SLF2: variants seen among roughly 807,000 people sequenced by gnomAD.
The protein encoded by SLF2 is SMC5-SMC6 complex localization factor protein 2.
Under a neutral mutation model 124.3 loss-of-function variants are expected in SLF2, and 68 were observed. The ratio of observed to expected loss-of-function variants is 0.55; its 90% CI spans 0.45 to 0.67. The LOEUF (loss-of-function observed/expected upper bound fraction) is 0.67, where lower values mean the gene tolerates loss of function less well. SLF2 is among the 30% of genes least tolerant of loss of function. The probability of loss-of-function intolerance (pLI) is 0.00; values close to 1 mark genes in which losing one functional copy is unlikely to be tolerated. For missense variants in SLF2, 1,246 were observed against 1,373.7 expected (o/e 0.91, Z 1.47); for synonymous variants, 480 against 478.8 (o/e 1.00, Z -0.03).
chr10:100,959,100 T>C (rs554963229), intron 18 of SLF2, among the ~76,000 whole-genome samples: 5 of 152,362 alleles, frequency 3.3e-5, no homozygotes, highest in African/African-American at 1.2e-4. Context: ...TCAGCTTCTC[T>C]ATCTGGTTGT....
Position 100,917,168 on chromosome 10 carries a change from C to G in SLF2, c.783C>G (p.Ile261Met). Reference sequence around the variant, plus strand: ...GAAAGGAGCAAATGGAGCAGAGAATCAACTCCGAGAATTCTTTCTCAGAAG... The same window carrying G: ...GAAAGGAGCAAATGGAGCAGAGAATGAACTCCGAGAATTCTTTCTCAGAAG... ...RLRKEQMEQRINSENSFSEAS... is the reference protein window; with the variant it reads ...RLRKEQMEQRMNSENSFSEAS... The change falls in exon 3 of 20, where the codon ATC (isoleucine) becomes ATG (methionine). Residue 261 changes from isoleucine (I) to methionine (M), a missense_variant. By Grantham distance (10) the Ile-to-Met change is conservative (BLOSUM62 1). Transcript: ENST00000238961. The G allele has an allele frequency of 6.2e-7, 1 of 1,614,002 alleles. No individual in the cohort carries two copies. The highest frequency in any genetic ancestry group is 8.5e-7 in the Non-Finnish European group (1 of 1,180,022).
chr10:100,949,334 A>G (rs894307488), intron 15 of SLF2, among the ~76,000 whole-genome samples: 7 of 152,188 alleles, frequency 4.6e-5, no homozygotes, highest in African/African-American at 1.7e-4. Flanking sequence ...CCCATGTAAA[A>G]TAGAATAATT....
chr10:100,920,462 C>T (rs920692972), intron 4 of SLF2, among the ~76,000 whole-genome samples: 12 of 152,048 alleles, frequency 7.9e-5, no homozygotes, highest in African/African-American at 1.7e-4. Context: ...TGATGGTTGC[C>T]GTCACTTATA....
intron 4 of SLF2, among the ~76,000 whole-genome samples, chr10:100,920,378 A>G (rs971053053): frequency 6.6e-6 from 1 of 152,186 alleles, no homozygotes; most frequent in African/African-American, 2.4e-5. Flanking sequence ...TTTCATTTAT[A>G]TAATCCCACC....
intron 6 of SLF2, 62 bp downstream of exon 6, chr10:100,926,081 T>G: frequency 6.2e-7 from 1 of 1,613,792 alleles, no homozygotes; most frequent in Non-Finnish European, 8.5e-7. Context: ...GTGGCTTACT[T>G]TTAATTTACC....
At chr10:100,923,660 C>T (rs1849559112) in intron 4 of SLF2, among the ~76,000 whole-genome samples, 1 of 152,046 alleles carries the variant, frequency 6.6e-6, no homozygotes, top group Admixed American at 6.6e-5. Flanking sequence ...TCCAGAAGTA[C>T]CTATGGCATC....
At position 100,924,110 on chromosome 10, in the gene SLF2, A is replaced by G. The variant is rs1459395095; in HGVS notation, c.1109A>G (p.Gln370Arg). 2 of 1,613,408 alleles carry G rather than the reference A, an allele frequency of 1.2e-6. No homozygotes were observed. The highest frequency in any genetic ancestry group is 1.7e-6 in the Non-Finnish European group (2 of 1,179,856). ...FLEKRPDGPH[Q>R]KEKFIKHIAL... ...GAGAAGCGTCCTGATGGACCACATCAGAAAGAAAAATTTATAAAACATATT... is the reference window on the plus strand; with the variant it reads ...GAGAAGCGTCCTGATGGACCACATCGGAAAGAAAAATTTATAAAACATATT... The change falls in exon 5 of 20, where the codon CAG (glutamine) becomes CGG (arginine). Residue 370 changes from glutamine (Q) to arginine (R), a missense_variant. Around this residue, in one of 3 missense-constraint regions of SLF2, gnomAD observed 698 missense variants for 708.9 expected, o/e 0.98. Coordinates refer to ENST00000238961, the MANE Select transcript of SLF2 (RefSeq NM_018121.4).
chr10:100,937,457 T>C lies in SLF2; in HGVS notation c.2492T>C (p.Met831Thr), dbSNP rs1270229625. The C allele has an allele frequency of 6.3e-7, 1 of 1,599,968 alleles. No homozygotes were observed. Among genetic ancestry groups the C allele is most frequent in the Admixed American group, 1.7e-5 (1 of 59,994 alleles). ...TCAGTGCAGATTTTAAGTACATTGA[T>C]GGAAATAACAATTAGAAATGGTAAG... ...IVSVQILSTLMEITIRNDTFS... is the reference protein window; with the variant it reads ...IVSVQILSTLTEITIRNDTFS... The change falls in exon 10 of 20, where the codon ATG becomes ACG. Residue 831 changes from methionine (M) to threonine (T), a missense_variant. Around this residue, in one of 3 missense-constraint regions of SLF2, gnomAD observed 535 missense variants for 632.8 expected, o/e 0.85. Transcript: ENST00000238961.
Position 100,929,992 on chromosome 10 carries a change from T to C in SLF2, c.2328T>C (p.Ile776=). 1.3e-6 allele frequency: 2 copies of C among 1,514,730 alleles called. No homozygotes were observed. The highest frequency in any genetic ancestry group is 2.6e-5 in the South Asian group (2 of 75,474). The allele number at this position is 1,514,730 out of a possible 1,614,324, so 93.8% of individuals were successfully genotyped here. ...GACAAAGTGCTGTAGAAAAACTTAT[T>C]CTTAAGTAAGTAGAAAAATAGACAT... ...FIGQSAVEKL[I]LKSGKTDQIF... The change falls in exon 8 of 20, where the codon ATT becomes ATC. Residue 776 remains isoleucine, a synonymous_variant. Coordinates refer to ENST00000238961, the MANE Select transcript of SLF2 (RefSeq NM_018121.4).
chr10:100,937,472 G>C lies in SLF2; in HGVS notation c.2507G>C (p.Arg836Thr). The change falls in exon 10 of 20, where the codon AGA (arginine) becomes ACA (threonine). Residue 836 changes from arginine (R) to threonine (T), a missense_variant. By Grantham distance (71) the Arg-to-Thr change is moderately conservative. Around this residue, in one of 3 missense-constraint regions of SLF2, gnomAD observed 535 missense variants for 632.8 expected, o/e 0.85. Transcript: ENST00000238961. ...ILSTLMEITI[R>T]NDTFSDSPVW... ...AGTACATTGATGGAAATAACAATTAGAAATGGTAAGTATATCAACTTATTA... is the reference window on the plus strand; with the variant it reads ...AGTACATTGATGGAAATAACAATTACAAATGGTAAGTATATCAACTTATTA... 1 of 1,571,222 alleles carries C rather than the reference G, an allele frequency of 6.4e-7. No homozygotes were observed. The highest frequency in any genetic ancestry group is 2.2e-5 in the East Asian group (1 of 44,662).
rs773322398 is a variant in SLF2 at position 100,925,936 on chromosome 10, G to A, written c.1972-13G>A. 5 of 1,565,430 alleles carry A rather than the reference G, an allele frequency of 3.2e-6. No homozygotes were observed. Among genetic ancestry groups the A allele is most frequent in the Non-Finnish European group, 3.5e-6 (4 of 1,157,812 alleles). On this transcript the variant is annotated splice_polypyrimidine_tract_variant and intron_variant, in intron 5 of 19. Transcript: ENST00000238961. ...GACATGTGGTAAAGTATTTCTAAAT[G>A]TTCTTGTTTTAGGGACATGTTCATC... is the stretch of plus-strand genomic sequence containing the variant.
intron 11 of SLF2, among the ~76,000 whole-genome samples, chr10:100,940,543 G>A (rs1849949405): frequency 6.6e-6 from 1 of 151,886 alleles, no homozygotes; most frequent in South Asian, 2.1e-4. Context: ...TTTATTTTTT[G>A]TGGAGACGAA....
chr10:100,933,964 C>T (rs1849795866), intron 9 of SLF2, among the ~76,000 whole-genome samples: 2 of 152,216 alleles, frequency 1.3e-5, no homozygotes, highest in Admixed American at 6.5e-5. Context: ...CAGGCGTGAG[C>T]CACTGCACCC....
chr10:100,963,530 G>A lies in SLF2; in HGVS notation c.*1618G>A, dbSNP rs1332259985. The A allele has an allele frequency of 6.6e-6, 1 of 152,620 alleles. No homozygotes were observed. The highest frequency in any genetic ancestry group is 1.5e-5 in the Non-Finnish European group (1 of 68,028). 9.5% of individuals were successfully genotyped at this position (152,620 alleles called of 1,614,324 possible). ...TTATGGTTAAAGAGATAGATACAAA[G>A]AGTTCTATTTGACAGAAGCTTGAAA... is the stretch of plus-strand genomic sequence containing the variant. On this transcript the variant is annotated 3_prime_UTR_variant, in exon 20 of 20. Transcript: ENST00000238961.
In SLF2 at chr10:100,924,402, G is replaced by A; in HGVS notation, c.1401G>A (p.Lys467=). 1 of 1,614,118 alleles carries A rather than the reference G, an allele frequency of 6.2e-7. No individual in the cohort carries two copies. Among genetic ancestry groups the A allele is most frequent in the Non-Finnish European group, 8.5e-7 (1 of 1,180,016 alleles). The change falls in exon 5 of 20, where the codon AAG becomes AAA. Residue 467 remains lysine, a synonymous_variant. Coordinates refer to ENST00000238961, the MANE Select transcript of SLF2 (RefSeq NM_018121.4). ...ATAAAACCGCTAGCTCCACGACAAA[G>A]GAGAAGGAGACAAAACTACCTTTAC... The part of the protein sequence containing the change: ...QKNKTASSTT[K]EKETKLPLLS...
At chr10:100,944,636 G>A (rs1343792553) in intron 12 of SLF2, among the ~76,000 whole-genome samples, 2 of 152,066 alleles carry the variant, frequency 1.3e-5, no homozygotes, top group African/African-American at 4.8e-5. Flanking sequence ...AGAACTTTAA[G>A]TCAGTTACAT....
In SLF2 at chr10:100,924,122, T is replaced by A; in HGVS notation, c.1121T>A (p.Phe374Tyr). The A allele has an allele frequency of 6.2e-7, 1 of 1,612,992 alleles. No homozygotes were observed. The highest frequency in any genetic ancestry group is 8.5e-7 in the Non-Finnish European group (1 of 1,179,754). The stretch of plus-strand genomic sequence containing the variant: ...GATGGACCACATCAGAAAGAAAAAT[T>A]TATAAAACATATTGCACTGAAGACA... ...RPDGPHQKEK[F>Y]IKHIALKTPG... The change falls in exon 5 of 20, where the codon TTT (phenylalanine) becomes TAT (tyrosine). Residue 374 changes from phenylalanine to tyrosine, a missense_variant. By Grantham distance (22) the Phe-to-Tyr change is conservative. Around this residue, in one of 3 missense-constraint regions of SLF2, gnomAD observed 698 missense variants for 708.9 expected, o/e 0.98. Coordinates refer to ENST00000238961, the MANE Select transcript of SLF2 (RefSeq NM_018121.4).
Position 100,916,778 on chromosome 10 carries a change from A to G in SLF2, c.393A>G (p.Ser131=), listed in dbSNP as rs1554876620. ...EHHEDHGIHE[S]RRPCLSLASK... is the part of the protein sequence containing the mutation. ...ATGAAGATCATGGTATACATGAGTCACGTCGGCCTTGTCTGTCACTAGCCT... is the reference window on the plus strand; with the variant it reads ...ATGAAGATCATGGTATACATGAGTCGCGTCGGCCTTGTCTGTCACTAGCCT... The change falls in exon 3 of 20, where the codon TCA becomes TCG. Residue 131 remains serine (S), a synonymous_variant. Coordinates refer to ENST00000238961, the MANE Select transcript of SLF2 (RefSeq NM_018121.4). The G allele has an allele frequency of 4.3e-6, 7 of 1,613,232 alleles. No homozygotes were observed. In the South Asian group the frequency reaches 7.7e-5, roughly 18 times the overall value.
intron 6 of SLF2, among the ~76,000 whole-genome samples, chr10:100,927,033 A>G (rs1286494827): frequency 6.6e-6 from 1 of 152,200 alleles, no homozygotes; most frequent in African/African-American, 2.4e-5. Context: ...TACAACTAGT[A>G]TCTGATAGCT....
Sources: allele counts gnomAD v4.1 joint callset (sites outside exome capture counted in the v4.1 genomes callset), GRCh38; gene constraint gnomAD v4.1.1; regional missense constraint gnomAD v4.1.1; transcripts MANE v1.5; gene names NCBI Gene and HGNC (gene_info 2026-07-23, HGNC 2026-07-21).